Variants in RABGEF1 observed in about 807,000 individuals in gnomAD.
The protein encoded by RABGEF1 is RAB guanine nucleotide exchange factor 1, also known as rab5 GDP/GTP exchange factor.
A neutral mutation model predicts 57.3 loss-of-function variants in RABGEF1; 26 were observed. That is an observed-to-expected ratio of 0.45 (90% CI 0.33 to 0.63). The LOEUF (loss-of-function observed/expected upper bound fraction) is 0.63, where lower values mean the gene tolerates loss of function less well. RABGEF1 is among the 20% of genes least tolerant of loss of function. RABGEF1 has a pLI of 0.02. For missense variants in RABGEF1, 464 were observed against 607.6 expected, an observed-to-expected ratio of 0.76 and a Z score of 2.48; for synonymous variants, 185 against 210.7, an observed-to-expected ratio of 0.88 and a Z score of 1.06.
chr7:66,664,619 A>C, the RABGEF1 span, among the ~76,000 whole-genome samples: 6 of 152,108 alleles, frequency 3.9e-5, no homozygotes, highest in East Asian at 1.2e-3. Flanking sequence ...TTTAAATTAA[A>C]ATAGAGAGTG....
At position 66,795,382 on chromosome 7, in the gene RABGEF1, A is replaced by C. The variant is rs1006212536; in HGVS notation, c.514-129A>C. 13 of 724,022 alleles carry C rather than the reference A, an allele frequency of 1.8e-5. No homozygotes were observed. The African/African-American group carries it at 2.1e-4, about 12-fold the overall frequency. 44.8% of individuals were successfully genotyped at this position (724,022 alleles called of 1,614,324 possible). A position where few individuals can be genotyped will look rare whatever the true frequency, so the allele number is the denominator to read the frequency against. On this transcript the variant is annotated intron_variant, in intron 4 of 8. Coordinates refer to ENST00000284957, the MANE Select transcript of RABGEF1 (RefSeq NM_014504.3). The stretch of plus-strand genomic sequence containing the variant: ...TAGGTTTTACTCTCCTGCAGGATTA[A>C]TATAACCTGTGAGTACTTTTAGGCT...
intron 1 of RABGEF1, among the ~76,000 whole-genome samples, chr7:66,690,319 T>C (rs1254919263): frequency 4.7e-5 from 7 of 150,412 alleles, no homozygotes; most frequent in Non-Finnish European, 3.0e-5. Context: ...CAGGCTGGTC[T>C]TGAACTCCTG....
chr7:66,728,046 T>G (rs1584970526), intron 2 of RABGEF1, among the ~76,000 whole-genome samples: 1 of 152,126 alleles, frequency 6.6e-6, no homozygotes, highest in Admixed American at 6.5e-5. Flanking sequence ...CCAGTGTAAT[T>G]CTTTGCAGAC....
intron 4 of RABGEF1, among the ~76,000 whole-genome samples, chr7:66,786,711 G>A (rs1811270269): frequency 2.0e-5 from 3 of 152,078 alleles, no homozygotes; most frequent in African/African-American, 7.2e-5. Flanking sequence ...GTGCTATTCA[G>A]CAAATGTTGT....
At chr7:66,727,296 G>A (rs1289060451) in intron 2 of RABGEF1, among the ~76,000 whole-genome samples, 1 of 152,182 alleles carries the variant, frequency 6.6e-6, no homozygotes, top group Non-Finnish European at 1.5e-5. Flanking sequence ...GTTCTTGTCC[G>A]TGGGACAGGG....
the RABGEF1 span, among the ~76,000 whole-genome samples, chr7:66,674,470 G>A: frequency 6.6e-6 from 1 of 152,034 alleles, no homozygotes; most frequent in African/African-American, 2.4e-5. Flanking sequence ...TCACAGGTGT[G>A]AGCCACTGCG....
chr7:66,694,658 T>C (rs1194750899), intron 1 of RABGEF1, among the ~76,000 whole-genome samples: 1 of 151,424 alleles, frequency 6.6e-6, no homozygotes, highest in African/African-American at 2.4e-5. Context: ...GGCCAAATAG[T>C]GTGAGTTTAG....
intron 1 of RABGEF1, among the ~76,000 whole-genome samples, chr7:66,771,173 C>T (rs368983701): frequency 6.6e-6 from 1 of 152,114 alleles, no homozygotes; most frequent in Non-Finnish European, 1.5e-5. Flanking sequence ...GAGTCTTGCT[C>T]TGTCACCCAG....
intron 1 of RABGEF1, among the ~76,000 whole-genome samples, chr7:66,766,496 C>T (rs1296462607): frequency 6.6e-6 from 1 of 151,990 alleles, no homozygotes; most frequent in Non-Finnish European, 1.5e-5. Context: ...TTGCTTTCTA[C>T]CTCAGCCTTA....
At chr7:66,794,207 A>ATTTTTTTTTT (rs1174835014) in intron 4 of RABGEF1, among the ~76,000 whole-genome samples, 3 of 91,080 alleles carry the variant, frequency 3.3e-5, no homozygotes, top group East Asian at 3.2e-4. Context: ...TCCATGTTTA[A>ATTTTTTTTTT]TTTTTTTTTT....
intron 6 of RABGEF1, 130 bp downstream of exon 6, chr7:66,797,636 T>A (rs759475970): frequency 2.0e-6 from 2 of 989,398 alleles, no homozygotes; most frequent in Non-Finnish European, 2.9e-6. Flanking sequence ...TTCCTTAGAG[T>A]GGAAGCAGCT....
At chr7:66,782,366 G>C (rs1810127249) in intron 3 of RABGEF1, among the ~76,000 whole-genome samples, 1 of 151,430 alleles carries the variant, frequency 6.6e-6, no homozygotes, top group South Asian at 2.1e-4. Context: ...CTAGTTTCTT[G>C]TGTATCCTTT....
intron 1 of RABGEF1, among the ~76,000 whole-genome samples, chr7:66,711,518 T>G (rs1490163022): frequency 6.6e-6 from 1 of 152,126 alleles, no homozygotes; most frequent in African/African-American, 2.4e-5. Flanking sequence ...CTTACTCCAT[T>G]GAAATGTCTT....
intron 1 of RABGEF1, among the ~76,000 whole-genome samples, chr7:66,691,442 A>G (rs939857358): frequency 1.3e-5 from 2 of 152,248 alleles, no homozygotes; most frequent in African/African-American, 4.8e-5. Flanking sequence ...TACTCAGAAC[A>G]AAATATATGT....
chr7:66,702,991 G>A (rs1193367005), intron 1 of RABGEF1, among the ~76,000 whole-genome samples: 6 of 152,054 alleles, frequency 3.9e-5, no homozygotes, highest in African/African-American at 1.4e-4. Flanking sequence ...TTGTTTTTGA[G>A]AAGGAGTCTC....
chr7:66,756,036 A>G (rs924839551), intron 1 of RABGEF1: 14 of 1,497,148 alleles, frequency 9.4e-6, no homozygotes, highest in African/African-American at 4.2e-5. Flanking sequence ...GCAAATGCTA[A>G]TAAGTCTTTT....
intron 2 of RABGEF1, among the ~76,000 whole-genome samples, chr7:66,732,918 C>G (rs1305287728): frequency 6.6e-6 from 1 of 152,186 alleles, no homozygotes; most frequent in African/African-American, 2.4e-5. Context: ...CAGGCTCGCC[C>G]TGCTTCTCTA....
At chr7:66,771,824 TAAG>T in intron 1 of RABGEF1, 56 bp from the exon 2 acceptor site, 1 of 1,254,846 alleles carries the variant, frequency 8.0e-7, no homozygotes, top group Non-Finnish European at 1.1e-6. Context: ...TCATAATTGG[TAAG>T]ATTTTATTTA....
chr7:66,763,210 G>A (rs1804874918), intron 1 of RABGEF1, among the ~76,000 whole-genome samples: 2 of 152,140 alleles, frequency 1.3e-5, no homozygotes, highest in Admixed American at 1.3e-4. Flanking sequence ...AGAGGTTCAA[G>A]CAGGCTCCGC....
Sources: allele counts gnomAD v4.1 joint callset (sites outside exome capture counted in the v4.1 genomes callset), GRCh38; gene constraint gnomAD v4.1.1; transcripts MANE v1.5; gene names NCBI Gene and HGNC (gene_info 2026-07-23, HGNC 2026-07-21).